Variants in AR observed in about 807,000 individuals in gnomAD.
AR encodes dihydrotestosterone receptor.
Under a neutral mutation model 53.9 loss-of-function variants are expected in AR, and 8 were observed. The ratio of observed to expected loss-of-function variants is 0.15; its 90% CI spans 0.09 to 0.27. AR has a LOEUF of 0.27. Among genes scored for constraint, AR ranks in the 10% least tolerant of loss-of-function variants. The pLI, the probability that AR is intolerant of heterozygous loss-of-function variation, is 1.00. For synonymous variants in AR, 359 were observed against 316.4 expected, an observed-to-expected ratio of 1.13 and a Z score of -1.43; for missense variants, 639 against 742.5, an observed-to-expected ratio of 0.86 and a Z score of 1.62.
In AR at chrX:67,728,196, T is replaced by G. The variant is rs765234211; in HGVS notation, c.*4355T>G. On this transcript the variant is annotated 3_prime_UTR_variant, in exon 8 of 8. Coordinates refer to ENST00000374690, the MANE Select transcript of AR (RefSeq NM_000044.6). The stretch of plus-strand genomic sequence containing the variant: ...TTGTGGGTTTTTTTTTCCCTAATAA[T>G]ATACATGTTTAGAAGAATTGAAAAT... 83 of 166,026 alleles carry G rather than the reference T, an allele frequency of 5.0e-4. No individual in the cohort carries two copies. Among genetic ancestry groups the G allele is most frequent in the Admixed American group, 1.0e-3 (12 of 11,890 alleles). 13.7% of individuals were successfully genotyped at this position (166,026 alleles called of 1,213,427 possible).
chrX:67,626,575 G>A (rs1258897270), intron 1 of AR, among the ~76,000 whole-genome samples: 1 of 95,344 alleles, frequency 1.0e-5, no homozygotes, highest in Non-Finnish European at 2.1e-5. Context: ...TGAGTAGCTG[G>A]GACTACAGGC....
In AR at chrX:67,685,661, G is replaced by T. The variant is rs892887743; in HGVS notation, c.1769-349G>T. Among the ~76,000 whole-genome samples the T allele has an allele frequency of 2.7e-5, 3 of 111,466 alleles. No individual in the cohort carries two copies. The South Asian group carries it at 1.1e-3, about 42-fold the overall frequency. On this transcript the variant is annotated intron_variant, in intron 2 of 7. Coordinates refer to ENST00000374690, the MANE Select transcript of AR (RefSeq NM_000044.6). ...ATCTCTTCTACGCCATGCTAAAGGG[G>T]TGACAAGTTCCACAATGGATCATTT... is the stretch of plus-strand genomic sequence containing the variant.
chrX:67,588,570 C>A (rs1184770466), intron 1 of AR, among the ~76,000 whole-genome samples: 1 of 111,758 alleles, frequency 8.9e-6, no homozygotes, highest in African/African-American at 3.3e-5. Context: ...TATGAAAGTG[C>A]CCTTGGCTCT....
intron 1 of AR, among the ~76,000 whole-genome samples, chrX:67,584,981 C>T (rs755188061): frequency 2.7e-5 from 3 of 111,591 alleles, no homozygotes; most frequent in East Asian, 2.8e-4. Flanking sequence ...GGCGGCCAGG[C>T]GCAGTGGCTC....
intron 1 of AR, among the ~76,000 whole-genome samples, chrX:67,575,632 T>A (rs1471587513): frequency 8.9e-6 from 1 of 112,067 alleles, no homozygotes; most frequent in African/African-American, 3.2e-5. Flanking sequence ...ACTCAGATAC[T>A]GAGAAGGGCT....
At chrX:67,684,665 G>A (rs768781234) in intron 2 of AR, among the ~76,000 whole-genome samples, 7 of 111,659 alleles carry the variant, frequency 6.3e-5, no homozygotes, top group Admixed American at 1.9e-4. Context: ...AAAGGAAAAA[G>A]GATCCTTTAC....
rs368345903 is a variant in AR, at chrX:67,546,103, G to A, written c.957G>A (p.Gly319=). The A allele has an allele frequency of 8.2e-7, 1 of 1,212,228 alleles. No individual in the cohort carries two copies. Among genetic ancestry groups the A allele is most frequent in the Non-Finnish European group, 1.1e-6 (1 of 895,598 alleles). Residue 319 remains glycine (G), a synonymous_variant, in exon 1 of 8, where the codon GGG becomes GGA. Coordinates refer to ENST00000374690, the MANE Select transcript of AR (RefSeq NM_000044.6). ...CTTTCAAGGGAGGTTACACCAAAGG[G>A]CTAGAAGGCGAGAGCCTAGGCTGCT... ...YSPFKGGYTK[G]LEGESLGCSG...
intron 2 of AR, among the ~76,000 whole-genome samples, chrX:67,682,683 G>A (rs1166309938): frequency 2.7e-5 from 3 of 111,430 alleles, no homozygotes; most frequent in African/African-American, 9.8e-5. Context: ...TATATTTGGA[G>A]AAATTGAATA....
At chrX:67,673,730 A>C (rs2075881405) in intron 2 of AR, among the ~76,000 whole-genome samples, 1 of 110,955 alleles carries the variant, frequency 9.0e-6, no homozygotes, top group Admixed American at 9.6e-5. Context: ...CCTCAACACA[A>C]CTATTTTGAA....
At chrX:67,603,847 T>C (rs1229733885) in intron 1 of AR, among the ~76,000 whole-genome samples, 1 of 110,908 alleles carries the variant, frequency 9.0e-6, no homozygotes, top group African/African-American at 3.3e-5. Flanking sequence ...AGAAAGATGA[T>C]AAAGAGATGA....
chrX:67,691,428 T>C (rs2075994923), intron 3 of AR, among the ~76,000 whole-genome samples: 1 of 112,114 alleles, frequency 8.9e-6, no homozygotes, highest in African/African-American at 3.2e-5. Context: ...TTGCATATCA[T>C]GGTCCTGCTC....
intron 3 of AR, among the ~76,000 whole-genome samples, chrX:67,696,344 A>G (rs1387774327): frequency 9.0e-6 from 1 of 111,383 alleles, no homozygotes; most frequent in Non-Finnish European, 1.9e-5. Flanking sequence ...TCATATGAGC[A>G]GGTTTTTGGT....
intron 2 of AR, among the ~76,000 whole-genome samples, chrX:67,653,305 A>T (rs777052069): frequency 1.8e-5 from 2 of 112,234 alleles, no homozygotes; most frequent in African/African-American, 6.5e-5. Flanking sequence ...GTCAGTGGCT[A>T]TGTGATGAAT....
rs2076154382 is a variant in AR at position 67,725,582 on chromosome X, A to G, written c.*1741A>G. ...GAGAAGGAACAAAGAGGAGACTCTG[A>G]CTACTGAATTAAAATCTTCAGCGGC... is the stretch of plus-strand genomic sequence containing the variant. On this transcript the variant is annotated 3_prime_UTR_variant, in exon 8 of 8. Coordinates refer to ENST00000374690, the MANE Select transcript of AR (RefSeq NM_000044.6). 1 of 175,929 alleles carries G rather than the reference A, an allele frequency of 5.7e-6. No individual in the cohort carries two copies. Among genetic ancestry groups the G allele is most frequent in the Non-Finnish European group, 1.1e-5 (1 of 91,795 alleles). 14.5% of individuals were successfully genotyped at this position (175,929 alleles called of 1,213,427 possible). A position where few individuals can be genotyped will look rare whatever the true frequency, so the allele number is the denominator to read the frequency against.
Position 67,729,034 on chromosome X carries a change from C to G in AR, c.*5193C>G. 1.1e-5 allele frequency: 2 copies of G among 175,204 alleles called. No individual in the cohort carries two copies. Among genetic ancestry groups the G allele is most frequent in the Non-Finnish European group, 2.2e-5 (2 of 91,253 alleles). 14.4% of individuals were successfully genotyped at this position (175,204 alleles called of 1,213,427 possible). ...GAACTGTTCCTTGGTCTTCACCATC[C>G]TTGTGAGAGAAGGGCAGTTTCCTGC... On this transcript the variant is annotated 3_prime_UTR_variant, in exon 8 of 8. Transcript: ENST00000374690.
chrX:67,579,081 G>A, intron 1 of AR, among the ~76,000 whole-genome samples: 1 of 111,903 alleles, frequency 8.9e-6, no homozygotes, highest in Non-Finnish European at 1.9e-5. Context: ...GAAAGACATA[G>A]AGTTACTTGT....
intron 2 of AR, among the ~76,000 whole-genome samples, chrX:67,658,176 C>T (rs1036001783): frequency 1.8e-5 from 2 of 111,643 alleles, no homozygotes; most frequent in African/African-American, 6.5e-5. Flanking sequence ...GGAATGGAAT[C>T]ACCAATATTA....
intron 2 of AR, among the ~76,000 whole-genome samples, chrX:67,644,346 C>A (rs1419657514): frequency 1.8e-5 from 2 of 111,729 alleles, no homozygotes; most frequent in African/African-American, 6.5e-5. Flanking sequence ...TTGTTAAACA[C>A]CAGTATTCAC....
At chrX:67,603,013 G>C (rs1923450612) in intron 1 of AR, among the ~76,000 whole-genome samples, 1 of 111,358 alleles carries the variant, frequency 9.0e-6, no homozygotes, top group Non-Finnish European at 1.9e-5. Context: ...AAGTAATAGA[G>C]GACATGTATT....
Sources: allele counts gnomAD v4.1 joint callset (sites outside exome capture counted in the v4.1 genomes callset), GRCh38; gene constraint gnomAD v4.1.1; transcripts MANE v1.5; gene names NCBI Gene and HGNC (gene_info 2026-07-23, HGNC 2026-07-21).